The following WNT3A variants were observed in gnomAD, a reference collection of about 807,000 sequenced individuals.
WNT3A encodes Wnt family member 3A.
A neutral mutation model predicts 37.0 loss-of-function variants in WNT3A; 17 were observed. That is an observed-to-expected ratio of 0.46 (90% CI 0.31 to 0.69). The LOEUF (loss-of-function observed/expected upper bound fraction) is 0.69, where lower values mean the gene tolerates loss of function less well. Among genes scored for constraint, WNT3A ranks in the 30% least tolerant of loss-of-function variants. The probability of loss-of-function intolerance (pLI) is 0.05; values close to 1 mark genes in which losing one functional copy is unlikely to be tolerated. For missense variants in WNT3A, 411 were observed against 510.2 expected (o/e 0.81, Z 1.87); for synonymous variants, 187 against 211.0 (o/e 0.89, Z 0.99).
intron 1 of WNT3A, 31 bp from the exon 2 acceptor site, chr1:228,022,636 C>A (rs375893387): frequency 1.9e-6 from 3 of 1,597,222 alleles, no homozygotes; most frequent in South Asian, 1.1e-5. Context: ...GTCCCAGCCC[C>A]ACACTCACCA....
rs1407347928 is a variant in WNT3A at position 228,059,294 on chromosome 1, C to G, written c.888C>G (p.Thr296=). 6.3e-7 allele frequency: 1 copy of G among 1,588,620 alleles called. No individual in the cohort carries two copies. Among genetic ancestry groups the G allele is most frequent in the African/African-American group, 1.3e-5 (1 of 74,396 alleles). The change falls in exon 4 of 4, where the codon ACC becomes ACG. Residue 296 remains threonine, a synonymous_variant. Coordinates refer to ENST00000284523, the MANE Select transcript of WNT3A (RefSeq NM_033131.4). ...GCTCCTTCGGCACGCGCGACCGCAC[C>G]TGCAACGTCAGCTCGCACGGCATCG... is the stretch of plus-strand genomic sequence containing the variant. ...ETGSFGTRDR[T]CNVSSHGIDG...
At chr1:228,020,313 G>A (rs1359510782) in intron 1 of WNT3A, among the ~76,000 whole-genome samples, 2 of 152,246 alleles carry the variant, frequency 1.3e-5, no homozygotes, top group East Asian at 3.9e-4. Flanking sequence ...AGGCCCCTCT[G>A]CTGGCGTTCC....
In WNT3A at chr1:228,008,275, TC is replaced by T. The variant is rs900855037; in HGVS notation, c.71+1083del. Among the ~76,000 whole-genome samples, 6 of 151,092 alleles carry T rather than the reference TC, an allele frequency of 4.0e-5. No individual in the cohort carries two copies. The highest frequency in any genetic ancestry group is 9.8e-5 in the African/African-American group (4 of 41,014). On this transcript the variant is annotated intron_variant, in intron 1 of 3. Transcript: ENST00000284523. This position sits in a 1 kb window ranked among gnomAD's most constrained non-coding sequence, Gnocchi z 4.9. ...GAAGCCTCCCCACAAGCATGCACACTCCCCCCCATCCTTCTCCGACGGCAGC... is the reference window on the plus strand; with the variant it reads ...GAAGCCTCCCCACAAGCATGCACACTCCCCCCATCCTTCTCCGACGGCAGC...
At chr1:228,024,952 T>C (rs1477415489) in intron 2 of WNT3A, among the ~76,000 whole-genome samples, 1 of 152,206 alleles carries the variant, frequency 6.6e-6, no homozygotes, top group Admixed American at 6.5e-5. Context: ...TGGTCATAGA[T>C]GTATAGGTTT....
chr1:228,047,214 G>A (rs1456995108), intron 2 of WNT3A, among the ~76,000 whole-genome samples: 2 of 152,170 alleles, frequency 1.3e-5, no homozygotes, highest in Admixed American at 6.5e-5. Context: ...GGGTGTCCAG[G>A]CCTGACTTGG....
rs1423468538 is a variant in WNT3A at position 228,008,916 on chromosome 1, C to G, written c.71+1717C>G. On this transcript the variant is annotated intron_variant, in intron 1 of 3. Coordinates refer to ENST00000284523, the MANE Select transcript of WNT3A (RefSeq NM_033131.4). The surrounding 1 kb of genome is among the most constrained non-coding windows in gnomAD (Gnocchi z 4.9). ...TTCACCTGGGCCCCCTGTGTTCTACCCTGAATGGACCCTGAGACACCCTCG... is the reference window on the plus strand; with the variant it reads ...TTCACCTGGGCCCCCTGTGTTCTACGCTGAATGGACCCTGAGACACCCTCG... Among the ~76,000 whole-genome samples the G allele has an allele frequency of 6.6e-6, 1 of 152,094 alleles. No homozygotes were observed.
At chr1:228,019,746 T>A (rs2030630405) in intron 1 of WNT3A, among the ~76,000 whole-genome samples, 1 of 152,258 alleles carries the variant, frequency 6.6e-6, no homozygotes, top group Admixed American at 6.5e-5. Context: ...CCGTCTTATC[T>A]TTTTATGCTT....
chr1:228,058,231 T>C (rs1285910061), intron 3 of WNT3A, among the ~76,000 whole-genome samples: 1 of 152,218 alleles, frequency 6.6e-6, no homozygotes, highest in Non-Finnish European at 1.5e-5. Flanking sequence ...GTCTTGGGAA[T>C]CCAGCATGCA....
chr1:228,036,840 C>T (rs1014338582), intron 2 of WNT3A, among the ~76,000 whole-genome samples: 2 of 152,204 alleles, frequency 1.3e-5, no homozygotes, highest in African/African-American at 4.8e-5. Context: ...CAGGGCCCAG[C>T]AGCTGGATCT....
chr1:228,029,613 C>T (rs1316064089), intron 2 of WNT3A, among the ~76,000 whole-genome samples: 4 of 152,144 alleles, frequency 2.6e-5, no homozygotes, highest in South Asian at 2.1e-4. Context: ...TCTGCTTCCC[C>T]GCTGTCTCCC....
chr1:228,043,483 G>A (rs1305640915), intron 2 of WNT3A, among the ~76,000 whole-genome samples: 1 of 152,186 alleles, frequency 6.6e-6, no homozygotes, highest in Non-Finnish European at 1.5e-5. Context: ...ATGATTTCCT[G>A]GCCTTCTGGG....
rs1163941262 is a variant in WNT3A at position 228,007,001 on chromosome 1, C to A, written c.-128C>A. ...CGCAGCGCCGCCCTCGGAGCCCGCG[C>A]ACACCCGCGCACCCGCGGCCGCAGG... On this transcript the variant is annotated 5_prime_UTR_variant, in exon 1 of 4. Coordinates refer to ENST00000284523, the MANE Select transcript of WNT3A (RefSeq NM_033131.4). This position sits in a 1 kb window ranked among gnomAD's most constrained non-coding sequence, Gnocchi z 6.0. 8.3e-6 allele frequency: 3 copies of A among 362,092 alleles called. No individual in the cohort carries two copies. Among genetic ancestry groups the A allele is most frequent in the Non-Finnish European group, 1.2e-5 (3 of 254,606 alleles). 22.4% of individuals were successfully genotyped at this position (362,092 alleles called of 1,614,324 possible).
At position 228,059,844 on chromosome 1, in the gene WNT3A, C is replaced by G; in HGVS notation, c.*379C>G. ...GAGGCCCCTCCCAGTAAGGGCGTGG[C>G]TCTGGGTGGGCGGGGCACTAGGTAG... On this transcript the variant is annotated 3_prime_UTR_variant, in exon 4 of 4. Coordinates refer to ENST00000284523, the MANE Select transcript of WNT3A (RefSeq NM_033131.4). 9.3e-7 allele frequency: 1 copy of G among 1,072,568 alleles called. No individual in the cohort carries two copies. Among genetic ancestry groups the G allele is most frequent in the Non-Finnish European group, 1.1e-6 (1 of 884,724 alleles). 66.4% of individuals were successfully genotyped at this position (1,072,568 alleles called of 1,614,324 possible).
In WNT3A at chr1:228,060,020, TCTC is replaced by T. The variant is rs2031767358; in HGVS notation, c.*558_*560del. On this transcript the variant is annotated 3_prime_UTR_variant, in exon 4 of 4. Transcript: ENST00000284523. ...GCTTCTTCCTGGATGGGGCAGAGCT[TCTC>T]CTGACCAGGGCAAGGCCCCTTCCAC... 1 of 1,176,134 alleles carries T rather than the reference TCTC, an allele frequency of 8.5e-7. No homozygotes were observed. The highest frequency in any genetic ancestry group is 1.1e-6 in the Non-Finnish European group (1 of 934,382). The allele number at this position is 1,176,134 out of a possible 1,614,324, so 72.9% of individuals were successfully genotyped here.
At chr1:228,052,917 T>C (rs1353192820) in intron 3 of WNT3A, among the ~76,000 whole-genome samples, 2 of 152,212 alleles carry the variant, frequency 1.3e-5, no homozygotes, top group Non-Finnish European at 2.9e-5. Context: ...AAAATTCGTA[T>C]GTTGTAAGCT....
intron 2 of WNT3A, among the ~76,000 whole-genome samples, chr1:228,043,924 T>TG (rs1169291010): frequency 6.6e-6 from 1 of 152,148 alleles, no homozygotes; most frequent in Non-Finnish European, 1.5e-5. Flanking sequence ...TTGGACATTC[T>TG]GGGGGGTCTT....
At chr1:228,019,257 C>T (rs191773622) in intron 1 of WNT3A, among the ~76,000 whole-genome samples, 2 of 152,308 alleles carry the variant, frequency 1.3e-5, no homozygotes, top group East Asian at 1.9e-4. Flanking sequence ...GAGGTGGTCC[C>T]GGCTCCATGC....
In WNT3A at chr1:228,039,213, A is replaced by G. The variant is rs1311704834; in HGVS notation, c.314-11443A>G. Among the ~76,000 whole-genome samples the G allele has an allele frequency of 6.6e-6, 1 of 152,160 alleles. No individual in the cohort carries two copies. Among genetic ancestry groups the G allele is most frequent in the Non-Finnish European group, 1.5e-5 (1 of 68,010 alleles). On this transcript the variant is annotated intron_variant, in intron 2 of 3. Coordinates refer to ENST00000284523, the MANE Select transcript of WNT3A (RefSeq NM_033131.4). This position sits in a 1 kb window ranked among gnomAD's most constrained non-coding sequence, Gnocchi z 4.1. ...GCCAGGTGAGCATGGGTCAACATCAAGAAGCAGACTGGGCAAAGGCGGCAT... is the reference window on the plus strand; with the variant it reads ...GCCAGGTGAGCATGGGTCAACATCAGGAAGCAGACTGGGCAAAGGCGGCAT...
At chr1:228,012,458 C>G (rs1446985501) in intron 1 of WNT3A, among the ~76,000 whole-genome samples, 2 of 152,156 alleles carry the variant, frequency 1.3e-5, no homozygotes. Flanking sequence ...AAAAACAAAC[C>G]AACCACGTCC....
Sources: allele counts gnomAD v4.1 joint callset (sites outside exome capture counted in the v4.1 genomes callset), GRCh38; gene constraint gnomAD v4.1.1; non-coding constraint Gnocchi (gnomAD v3.1); transcripts MANE v1.5; gene names NCBI Gene and HGNC (gene_info 2026-07-23, HGNC 2026-07-21).